Variants in TENM3 observed in about 807,000 individuals in gnomAD.
The protein encoded by TENM3 is teneurin transmembrane protein 3, also known as teneurin-3.
Under a neutral mutation model 255.1 loss-of-function variants are expected in TENM3, and 63 were observed. That is an observed-to-expected ratio of 0.25 (90% confidence interval 0.20 to 0.30). The LOEUF is 0.30. Ranked by LOEUF, TENM3 falls within the 10% of genes least tolerant of loss-of-function variation. The probability of loss-of-function intolerance (pLI) is 1.00; values close to 1 mark genes in which losing one functional copy is unlikely to be tolerated. For missense variants in TENM3, 2,929 were observed against 3,461.1 expected (o/e 0.85, Z 3.86); for synonymous variants, 1,306 against 1,322.3 (o/e 0.99, Z 0.27).
At position 182,754,270 on chromosome 4, in the gene TENM3, T is replaced by G; in HGVS notation, c.4018-115T>G. ...ACTGAGGCTATTGAAAAAACTATTATCAGACAGTTTATCTCAGATTAATGC... is the reference window on the plus strand; with the variant it reads ...ACTGAGGCTATTGAAAAAACTATTAGCAGACAGTTTATCTCAGATTAATGC... On this transcript the variant is annotated intron_variant, in intron 21 of 27. Coordinates refer to ENST00000511685, the MANE Select transcript of TENM3 (RefSeq NM_001080477.4). The surrounding 1 kb of genome is among the most constrained non-coding windows in gnomAD (Gnocchi z 5.1). 1 of 1,101,220 alleles carries G rather than the reference T, an allele frequency of 9.1e-7. No individual in the cohort carries two copies. The highest frequency in any genetic ancestry group is 1.3e-6 in the Non-Finnish European group (1 of 791,376). The allele number at this position is 1,101,220 out of a possible 1,614,324, so 68.2% of individuals were successfully genotyped here.
At chr4:182,054,293 A>G in the TENM3 span, among the ~76,000 whole-genome samples, 3 of 152,096 alleles carry the variant, frequency 2.0e-5, no homozygotes, top group Admixed American at 1.3e-4. Flanking sequence ...ACAAATATTT[A>G]TTGTATGTCT....
chr4:182,227,730 A>G (rs1042490940), intron 1 of TENM3, among the ~76,000 whole-genome samples: 1 of 149,574 alleles, frequency 6.7e-6, no homozygotes, highest in Non-Finnish European at 1.5e-5. Flanking sequence ...CTAGTCATGC[A>G]TCCAAACCAC....
intron 3 of TENM3, among the ~76,000 whole-genome samples, chr4:182,488,921 C>G (rs1374358990): frequency 2.0e-5 from 3 of 151,906 alleles, no homozygotes; most frequent in African/African-American, 7.3e-5. Context: ...GGACCTGGGC[C>G]TAACAGTCAT....
intron 6 of TENM3, among the ~76,000 whole-genome samples, chr4:182,662,500 G>A (rs1754308627): frequency 6.6e-6 from 1 of 152,148 alleles, no homozygotes; most frequent in Non-Finnish European, 1.5e-5. Flanking sequence ...CTGTTGCCCT[G>A]TCTCTATTTT....
intron 12 of TENM3, among the ~76,000 whole-genome samples, chr4:182,708,869 A>C (rs1409929673): frequency 6.6e-6 from 1 of 151,894 alleles, no homozygotes; most frequent in Non-Finnish European, 1.5e-5. Context: ...ATATGGTCCT[A>C]CTCATGCCGT....
chr4:182,153,280 A>T (rs1477442153), intron 1 of TENM3, among the ~76,000 whole-genome samples: 1 of 152,058 alleles, frequency 6.6e-6, no homozygotes, highest in African/African-American at 2.4e-5. Flanking sequence ...ATACTGGGAG[A>T]ATATCATGAA....
chr4:182,194,811 G>C (rs1753738485), intron 1 of TENM3, among the ~76,000 whole-genome samples: 1 of 152,180 alleles, frequency 6.6e-6, no homozygotes. Context: ...ATCTTAACCA[G>C]AGGTTTTATT....
chr4:182,789,715 T>A lies in TENM3; in HGVS notation c.5601+326T>A, dbSNP rs150916143. Among the ~76,000 whole-genome samples the A allele has an allele frequency of 3.3e-5, 5 of 152,356 alleles. No homozygotes were observed. ...CTTGAGCGTGTAAGTCGCTTGTAAA[T>A]AATTTTCGTGCTAGCTCTTCCATTT... On this transcript the variant is annotated intron_variant, in intron 25 of 27. Transcript: ENST00000511685. The surrounding 1 kb of genome is among the most constrained non-coding windows in gnomAD (Gnocchi z 4.4).
chr4:181,871,973 T>C, the TENM3 span, among the ~76,000 whole-genome samples: 15 of 152,140 alleles, frequency 9.9e-5, no homozygotes, highest in African/African-American at 3.1e-4. Flanking sequence ...AGTGTTTTGC[T>C]AAAACTTATT....
chr4:182,799,920 A>C lies in TENM3; in HGVS notation c.7669A>C (p.Ser2557Arg), dbSNP rs764985733. 3.1e-6 allele frequency: 5 copies of C among 1,603,766 alleles called. No homozygotes were observed. The highest frequency in any genetic ancestry group is 4.3e-6 in the Non-Finnish European group (5 of 1,175,482). The change falls in exon 28 of 28, where the codon AGC (serine) becomes CGC (arginine). Residue 2557 changes from serine to arginine, a missense_variant. Physicochemically the swap from Ser to Arg is moderately radical, Grantham distance 110 (BLOSUM62 -1). Coordinates refer to ENST00000511685, the MANE Select transcript of TENM3 (RefSeq NM_001080477.4). The surrounding 1 kb of genome is among the most constrained non-coding windows in gnomAD (Gnocchi z 4.2). The part of the protein sequence containing the change: ...HYFIKTTTPE[S>R]DLGTLRLTSG... The stretch of plus-strand genomic sequence containing the variant: ...CTTCATCAAGACCACCACGCCCGAG[A>C]GCGACCTGGGCACGCTGCGGTTGAC...
chr4:182,062,912 C>T, the TENM3 span, among the ~76,000 whole-genome samples: 1 of 152,202 alleles, frequency 6.6e-6, no homozygotes, highest in African/African-American at 2.4e-5. Flanking sequence ...TCTATAGTAA[C>T]TGGTCCCATT....
the TENM3 span, among the ~76,000 whole-genome samples, chr4:181,655,692 G>A: frequency 6.6e-6 from 1 of 152,186 alleles, no homozygotes; most frequent in East Asian, 1.9e-4. Flanking sequence ...ATTAAGACCT[G>A]AAGGGTATAA....
At chr4:181,897,682 T>C in the TENM3 span, among the ~76,000 whole-genome samples, 1 of 152,194 alleles carries the variant, frequency 6.6e-6, no homozygotes, top group Non-Finnish European at 1.5e-5. Context: ...CTTTATCTTC[T>C]TCAATTTCAA....
At chr4:181,646,189 A>G in the TENM3 span, among the ~76,000 whole-genome samples, 1 of 152,256 alleles carries the variant, frequency 6.6e-6, no homozygotes, top group Non-Finnish European at 1.5e-5. Context: ...AAACATTAAA[A>G]GATACACGAG....
chr4:182,090,795 G>A, the TENM3 span, among the ~76,000 whole-genome samples: 583 of 152,208 alleles, frequency 3.8e-3, 5 homozygotes, highest in African/African-American at 0.013. Context: ...AAGGTGGATT[G>A]TAGAATTGCT....
rs369348519 is a variant in TENM3, at chr4:182,730,903, G to A, written c.2731G>A (p.Ala911Thr). 9 of 1,613,740 alleles carry A rather than the reference G, an allele frequency of 5.6e-6. No individual in the cohort carries two copies. The highest frequency in any genetic ancestry group is 2.2e-5 in the South Asian group (2 of 91,054). Residue 911 changes from alanine to threonine, a missense_variant, in exon 16 of 28, where the codon GCC becomes ACC. This residue lies in a region of TENM3 where 1,608 missense variants were observed against 1,884.4 expected (regional missense o/e 0.85). Coordinates refer to ENST00000511685, the MANE Select transcript of TENM3 (RefSeq NM_001080477.4). ...GTTTGACTTGGTGGCAAATGGTGGG[G>A]CCTCTCTAACTTTGGTATTTGAACG... ...GMFDLVANGG[A>T]SLTLVFERSP...
the TENM3 span, among the ~76,000 whole-genome samples, chr4:182,063,777 G>A: frequency 1.3e-5 from 2 of 152,184 alleles, no homozygotes; most frequent in Non-Finnish European, 2.9e-5. Flanking sequence ...TTAGTAGTGT[G>A]AGGATTAGAA....
chr4:181,526,313 C>CA, the TENM3 span, among the ~76,000 whole-genome samples: 1 of 151,304 alleles, frequency 6.6e-6, no homozygotes. Context: ...ATGAAGACCT[C>CA]AAAATCTACA....
intron 4 of TENM3, among the ~76,000 whole-genome samples, chr4:182,607,674 G>T (rs974606916): frequency 6.6e-6 from 1 of 152,058 alleles, no homozygotes. Context: ...TTGTTTAATT[G>T]GAGTGAACCA....
Sources: gnomAD v4.1 joint callset for allele counts (sites outside exome capture counted in the v4.1 genomes callset) on GRCh38, gnomAD v4.1.1 for gene constraint, gnomAD v4.1.1 regional missense constraint, Gnocchi (gnomAD v3.1) non-coding constraint, MANE v1.5 for transcripts, NCBI Gene and HGNC (gene_info 2026-07-23, HGNC 2026-07-21) for gene names.